Variants in HDAC4 observed in about 807,000 individuals in gnomAD.
The protein encoded by HDAC4 is histone deacetylase 4, also known as histone deacetylase A.
Under a neutral mutation model 135.1 loss-of-function variants are expected in HDAC4, and 16 were observed. The ratio of observed to expected loss-of-function variants is 0.12; its 90% confidence interval spans 0.08 to 0.18. The LOEUF is 0.18. Among genes scored for constraint, HDAC4 ranks in the 10% least tolerant of loss-of-function variants. HDAC4 has a pLI of 1.00. For missense variants in HDAC4, 1,143 were observed against 1,511.8 expected (o/e 0.76, Z 4.05); for synonymous variants, 685 against 653.4 (o/e 1.05, Z -0.74).
intron 9 of HDAC4, among the ~76,000 whole-genome samples, 177 bp from the exon 10 acceptor site, chr2:239,134,820 G>A (rs1299740681): frequency 6.6e-6 from 1 of 152,214 alleles, no homozygotes; most frequent in East Asian, 1.9e-4. Context: ...GCCACAACAT[G>A]AAAGCACAAT....
intron 5 of HDAC4, among the ~76,000 whole-genome samples, chr2:239,169,628 C>T (rs3791526): frequency 0.085 from 13,013 of 152,266 alleles, 645 homozygotes; most frequent in East Asian, 0.17. Context: ...CACTGCCAGC[C>T]GGGTTCCACT....
chr2:239,229,559 T>C (rs556084145), intron 3 of HDAC4, among the ~76,000 whole-genome samples: 1 of 152,326 alleles, frequency 6.6e-6, no homozygotes, highest in East Asian at 1.9e-4. Flanking sequence ...CCTCAGGAAG[T>C]CTGTGCCTGA....
At chr2:239,190,695 T>C (rs2044880977) in intron 3 of HDAC4, among the ~76,000 whole-genome samples, 1 of 152,208 alleles carries the variant, frequency 6.6e-6, no homozygotes, top group Admixed American at 6.5e-5. Flanking sequence ...CTCCTGGCTC[T>C]TGGCACAAGT....
intron 15 of HDAC4, among the ~76,000 whole-genome samples, chr2:239,107,336 CG>C (rs1559440192): frequency 6.6e-6 from 1 of 152,242 alleles, no homozygotes; most frequent in African/African-American, 2.4e-5. Context: ...GAGGCGGGGC[CG>C]GGCCCTCCTT....
At chr2:239,136,861 T>G (rs939177038) in intron 9 of HDAC4, among the ~76,000 whole-genome samples, 1 of 152,184 alleles carries the variant, frequency 6.6e-6, no homozygotes, top group Admixed American at 6.5e-5. Context: ...AGGAGCAAAC[T>G]CACGGCGCAC....
rs572996697 is a variant in HDAC4 at position 239,054,803 on chromosome 2, G to C, written c.3034C>G (p.Gln1012Glu). 17 of 1,613,090 alleles carry C rather than the reference G, an allele frequency of 1.1e-5. No homozygotes were observed. The South Asian group carries it at 1.9e-4, about 18-fold the overall frequency. ...CGGACAGCGTTTGCATTGGGTCTTT[G>C]CTGTAAAACCTTTTCTGGGAGAGGA... is the stretch of plus-strand genomic sequence containing the variant. ...LDPLPEKVLQ[Q>E]RPNANAVRSM... Residue 1012 changes from glutamine to glutamate, a missense_variant, in exon 25 of 27, where the codon CAA becomes GAA. Gln to Glu is a conservative substitution (Grantham distance 29, BLOSUM62 2). Transcript: ENST00000543185.
At chr2:239,066,597 C>T (rs939258888) in intron 24 of HDAC4, 125 bp downstream of exon 24, 2 of 1,274,584 alleles carry the variant, frequency 1.6e-6, no homozygotes, top group African/African-American at 1.5e-5. Flanking sequence ...CAAGGCGGAG[C>T]TGCAAGCATC....
chr2:239,296,207 G>GCA (rs138368204), intron 2 of HDAC4, among the ~76,000 whole-genome samples: 3,184 of 152,172 alleles, frequency 0.021, 47 homozygotes, highest in Non-Finnish European at 0.03. Flanking sequence ...CACTCTCAAA[G>GCA]CACACACACA....
intron 17 of HDAC4, among the ~76,000 whole-genome samples, chr2:239,092,354 A>G (rs1355416178): frequency 3.9e-5 from 6 of 152,086 alleles, no homozygotes; most frequent in African/African-American, 1.4e-4. Context: ...GGTCCCAGAC[A>G]GGCCAGGCCC....
At chr2:239,279,200 G>A (rs530665472) in intron 2 of HDAC4, among the ~76,000 whole-genome samples, 3 of 152,288 alleles carry the variant, frequency 2.0e-5, no homozygotes, top group South Asian at 2.1e-4. Flanking sequence ...CTGATTTGCT[G>A]TTTCTCCCAG....
chr2:239,309,862 C>A lies in HDAC4; in HGVS notation c.22+42816G>T, dbSNP rs1575671759. 6.6e-6 allele frequency among the ~76,000 whole-genome samples: 1 copy of A among 152,388 alleles called. No individual in the cohort carries two copies. Among genetic ancestry groups the A allele is most frequent in the African/African-American group, 2.4e-5 (1 of 41,604 alleles). On this transcript the variant is annotated intron_variant, in intron 2 of 26. Transcript: ENST00000543185. This position sits in a 1 kb window ranked among gnomAD's most constrained non-coding sequence, Gnocchi z 4.2. ...GTGCCAGCAGGGAGGCCAGCAGCCC[C>A]TAGCAGAAGGGTGTTCTGGAAGCTG... is the stretch of plus-strand genomic sequence containing the variant.
chr2:239,102,447 C>G (rs2037754275), intron 16 of HDAC4, among the ~76,000 whole-genome samples: 1 of 152,208 alleles, frequency 6.6e-6, no homozygotes, highest in South Asian at 2.1e-4. Flanking sequence ...AAGCGGAGCT[C>G]AAAACAACTT....
intron 16 of HDAC4, among the ~76,000 whole-genome samples, chr2:239,095,773 G>T (rs2036965428): frequency 6.6e-6 from 1 of 152,276 alleles, no homozygotes; most frequent in Middle Eastern, 3.4e-3. Context: ...CCCAGTGCTG[G>T]CTGAATGCAC....
At chr2:239,279,783 C>G (rs2050597772) in intron 2 of HDAC4, among the ~76,000 whole-genome samples, 1 of 152,212 alleles carries the variant, frequency 6.6e-6, no homozygotes, top group Non-Finnish European at 1.5e-5. Context: ...TGTCCCCTAC[C>G]CTCACCACGA....
intron 12 of HDAC4, among the ~76,000 whole-genome samples, chr2:239,123,493 C>T (rs774688887): frequency 1.3e-5 from 2 of 152,230 alleles, no homozygotes; most frequent in African/African-American, 4.8e-5. Flanking sequence ...TGGCTGCCAC[C>T]CTGGAGCAAG....
intron 2 of HDAC4, among the ~76,000 whole-genome samples, chr2:239,330,235 C>T (rs1324314954): frequency 1.3e-5 from 2 of 152,272 alleles, no homozygotes; most frequent in Non-Finnish European, 2.9e-5. Flanking sequence ...TGCCAAGTGG[C>T]CCAACTGCCA....
intron 4 of HDAC4, among the ~76,000 whole-genome samples, chr2:239,185,956 C>A (rs1421501360): frequency 6.6e-6 from 1 of 152,118 alleles, no homozygotes; most frequent in Non-Finnish European, 1.5e-5. Flanking sequence ...ATCGCTTGAA[C>A]CTGGGAGGCG....
chr2:239,082,428 A>C lies in HDAC4; in HGVS notation c.2533-207T>G, dbSNP rs10185553. On this transcript the variant is annotated intron_variant, in intron 20 of 26. Coordinates refer to ENST00000543185, the MANE Select transcript of HDAC4 (RefSeq NM_001378414.1). ...CGTGGTGCAGGGTCGCAGGGGTTCT[A>C]AGGGCCAATGTTCGCGTCTGCAGCA... 0.16 allele frequency among the ~76,000 whole-genome samples: 24,414 copies of C among 152,192 alleles called. 2,824 individuals are homozygous for C. The highest frequency in any genetic ancestry group is 0.33 in the African/African-American group (13,755 of 41,492).
At chr2:239,197,977 C>A (rs1048924222) in intron 3 of HDAC4, among the ~76,000 whole-genome samples, 15 of 151,978 alleles carry the variant, frequency 9.9e-5, no homozygotes, top group African/African-American at 3.1e-4. Context: ...CCTTGCCTCC[C>A]GAGTAGCTGG....
Sources: allele counts gnomAD v4.1 joint callset (sites outside exome capture counted in the v4.1 genomes callset), GRCh38; gene constraint gnomAD v4.1.1; non-coding constraint Gnocchi (gnomAD v3.1); transcripts MANE v1.5; gene names NCBI Gene and HGNC (gene_info 2026-07-23, HGNC 2026-07-21).